The following CGA variants were observed in gnomAD, a reference collection of about 807,000 sequenced individuals.
The protein encoded by CGA is glycoprotein hormones alpha chain.
In CGA, 4 loss-of-function variants were observed where a neutral mutation model predicts 12.0. The ratio of observed to expected loss-of-function variants is 0.33; its 90% CI spans 0.16 to 0.76. The LOEUF (loss-of-function observed/expected upper bound fraction) is 0.76. CGA is among the 30% of genes least tolerant of loss of function. The probability of loss-of-function intolerance (pLI) is 0.60; values close to 1 mark genes in which losing one functional copy is unlikely to be tolerated. For synonymous variants in CGA, 60 were observed against 56.6 expected, an observed-to-expected ratio of 1.06 and a Z score of -0.27; for missense variants, 102 against 143.5, an observed-to-expected ratio of 0.71 and a Z score of 1.48.
At chr6:87,089,980 T>G (rs1769402202) in intron 1 of CGA, among the ~76,000 whole-genome samples, 1 of 152,180 alleles carries the variant, frequency 6.6e-6, no homozygotes, top group African/African-American at 2.4e-5. Context: ...TGTATGCAAA[T>G]ATTCCAATAT....
chr6:87,087,004 G>A (rs1259541030), intron 2 of CGA, among the ~76,000 whole-genome samples: 17 of 152,068 alleles, frequency 1.1e-4, no homozygotes, highest in South Asian at 4.1e-4. Context: ...ACTAGAACCC[G>A]GAAGGCGGAG....
chr6:87,092,547 AAG>A (rs1353433130), intron 1 of CGA, among the ~76,000 whole-genome samples: 2 of 151,412 alleles, frequency 1.3e-5, no homozygotes, highest in African/African-American at 4.9e-5. Context: ...GAGAGAAAGA[AAG>A]AAAAAGAAAA....
chr6:87,088,322 G>A (rs1462669434), intron 1 of CGA, 115 bp from the exon 2 acceptor site: 1 of 510,736 alleles, frequency 2.0e-6, no homozygotes, highest in South Asian at 3.4e-5. Context: ...AGTCATCAGT[G>A]TCTTGACCTC....
At chr6:87,090,248 A>G (rs1769406679) in intron 1 of CGA, among the ~76,000 whole-genome samples, 2 of 152,178 alleles carry the variant, frequency 1.3e-5, no homozygotes. Flanking sequence ...TTTTCAGTGG[A>G]TCTGTGGGGT....
chr6:87,090,669 C>T (rs1287460458), intron 1 of CGA, among the ~76,000 whole-genome samples: 1 of 131,306 alleles, frequency 7.6e-6, no homozygotes, highest in Non-Finnish European at 1.6e-5. Context: ...ATTGAGTCTC[C>T]CTCTATTGTC....
intron 1 of CGA, among the ~76,000 whole-genome samples, chr6:87,091,111 C>T (rs1404810783): frequency 6.6e-6 from 1 of 152,060 alleles, no homozygotes; most frequent in Non-Finnish European, 1.5e-5. Context: ...AAAATTCAGC[C>T]ATTATGCAGT....
At chr6:87,092,660 A>G (rs939232591) in intron 1 of CGA, among the ~76,000 whole-genome samples, 4 of 151,680 alleles carry the variant, frequency 2.6e-5, no homozygotes, top group African/African-American at 9.7e-5. Context: ...AAGTTCAGGT[A>G]TTTTAAACTG....
At chr6:87,087,188 C>T (rs2127754181) in intron 2 of CGA, among the ~76,000 whole-genome samples, 2 of 152,268 alleles carry the variant, frequency 1.3e-5, no homozygotes, top group South Asian at 4.1e-4. Context: ...TGAAAGGAAA[C>T]TAAGTAAGTG....
chr6:87,088,432 C>T (rs1769369410), intron 1 of CGA, among the ~76,000 whole-genome samples: 1 of 151,970 alleles, frequency 6.6e-6, no homozygotes. Context: ...CCATTTCTCA[C>T]ATTAACTGTA....
Position 87,086,243 on chromosome 6 carries a change from T to A in CGA, c.273+7A>T. The A allele has an allele frequency of 6.2e-7, 1 of 1,606,414 alleles. No individual in the cohort carries two copies. The highest frequency in any genetic ancestry group is 1.1e-5 in the South Asian group (1 of 89,664). ...TAGAAAGCTTCTGGGGATCTTGAGG[T>A]TCTTACCCTGTTATATGATTTAGCT... On this transcript the variant is annotated splice_region_variant and intron_variant, in intron 3 of 3. Coordinates refer to ENST00000627148, the MANE Select transcript of CGA (RefSeq NM_000735.4).
chr6:87,092,865 A>G (rs1247084943), intron 1 of CGA, among the ~76,000 whole-genome samples: 2 of 146,198 alleles, frequency 1.4e-5, no homozygotes, highest in African/African-American at 5.1e-5. Context: ...CTCCCATCTT[A>G]GCCTCCCGGG....
At chr6:87,086,700 C>T (rs760742065) in intron 2 of CGA, 26 of 342,658 alleles carry the variant, frequency 7.6e-5, no homozygotes, top group Non-Finnish European at 1.2e-4. Context: ...GCAGAAGAAT[C>T]GCTTGAAGCT....
chr6:87,092,387 G>A (rs1056219653), intron 1 of CGA, among the ~76,000 whole-genome samples: 3 of 152,090 alleles, frequency 2.0e-5, no homozygotes, highest in African/African-American at 7.2e-5. Context: ...TGACCTGGCA[G>A]TTCCTGCTTC....
rs367727555 is a variant in CGA, at chr6:87,093,430, C to T, written c.-8+1583G>A. Reference sequence around the variant, plus strand: ...AATGTTATCTCTAAGCCTGGTGAACCAAGAAATTGCTAGACTACTTTGTGC... The same window carrying T: ...AATGTTATCTCTAAGCCTGGTGAACTAAGAAATTGCTAGACTACTTTGTGC... On this transcript the variant is annotated intron_variant, in intron 1 of 3. Transcript: ENST00000627148. Among the ~76,000 whole-genome samples the T allele has an allele frequency of 2.6e-5, 4 of 152,280 alleles. No homozygotes were observed. In the South Asian group the frequency reaches 8.3e-4, roughly 32 times the overall value.
intron 1 of CGA, among the ~76,000 whole-genome samples, chr6:87,092,634 GAA>G (rs1366209950): frequency 6.7e-6 from 1 of 150,108 alleles, no homozygotes; most frequent in Non-Finnish European, 1.5e-5. Context: ...AAAGAAAAAA[GAA>G]AAGAAAAGAG....
intron 1 of CGA, among the ~76,000 whole-genome samples, chr6:87,092,083 G>GA (rs952826031): frequency 2.0e-5 from 2 of 101,012 alleles, no homozygotes; most frequent in African/African-American, 7.8e-5. Flanking sequence ...ACTTTAAAAG[G>GA]ATTTTTTTTT....
At chr6:87,089,543 G>T (rs1727425793) in intron 1 of CGA, among the ~76,000 whole-genome samples, 2 of 152,084 alleles carry the variant, frequency 1.3e-5, no homozygotes, top group East Asian at 3.8e-4. Flanking sequence ...CTCTAAATCT[G>T]CAATTATTCA....
chr6:87,092,580 G>T (rs73499719), intron 1 of CGA, among the ~76,000 whole-genome samples: 1 of 150,294 alleles, frequency 6.7e-6, no homozygotes, highest in Non-Finnish European at 1.5e-5. Flanking sequence ...GGAGAGGAGA[G>T]GGGAAGAGGG....
chr6:87,090,234 A>G (rs752968524), intron 1 of CGA, among the ~76,000 whole-genome samples: 4 of 152,194 alleles, frequency 2.6e-5, no homozygotes, highest in Non-Finnish European at 5.9e-5. Context: ...GGGAACCCCA[A>G]AGATTTTCAG....
Sources: allele counts gnomAD v4.1 joint callset (sites outside exome capture counted in the v4.1 genomes callset), GRCh38; gene constraint gnomAD v4.1.1; transcripts MANE v1.5; gene names NCBI Gene and HGNC (gene_info 2026-07-23, HGNC 2026-07-21).